Variants in DISC1 observed in about 807,000 individuals in gnomAD.
DISC1 encodes DISC1 scaffold protein.
A neutral mutation model predicts 84.5 loss-of-function variants in DISC1; 57 were observed. The ratio of observed to expected loss-of-function variants is 0.67; its 90% CI spans 0.55 to 0.84. The LOEUF is 0.84. Ranked by LOEUF, DISC1 falls within the 40% of genes least tolerant of loss-of-function variation. The pLI is 0.00. For synonymous variants in DISC1, 411 were observed against 415.2 expected, an observed-to-expected ratio of 0.99 and a Z score of 0.12; for missense variants, 1,000 against 1,057.8, an observed-to-expected ratio of 0.95 and a Z score of 0.76.
chr1:231,849,023 G>C (rs1332397955), intron 9 of DISC1, among the ~76,000 whole-genome samples: 2 of 152,170 alleles, frequency 1.3e-5, no homozygotes, highest in African/African-American at 4.8e-5. Flanking sequence ...CCAATTATCA[G>C]GAGATATTAT....
At chr1:231,771,102 G>T (rs760711671) in intron 6 of DISC1, 32 bp downstream of exon 6, 5 of 1,541,064 alleles carry the variant, frequency 3.2e-6, no homozygotes, top group Non-Finnish European at 4.4e-6. Context: ...ATTTTGGGTC[G>T]CTCGCCTCTT....
At position 231,781,734 on chromosome 1, in the gene DISC1, G is replaced by A. The variant is rs113534088; in HGVS notation, c.1634+10664G>A. On this transcript the variant is annotated intron_variant, in intron 6 of 12. Coordinates refer to ENST00000439617, the MANE Select transcript of DISC1 (RefSeq NM_018662.3). ...ATTCTTTCCTTTTTGTAAGTTGTAT[G>A]TTACTATTCCCTGCTTTAACTTTTC... Among the ~76,000 whole-genome samples, 421 of 146,424 alleles carry A rather than the reference G, an allele frequency of 2.9e-3. 1 individual carries two copies. Among genetic ancestry groups the A allele is most frequent in the African/African-American group, 0.01 (399 of 38,648 alleles).
chr1:231,702,563 G>GCCTAAAATA, intron 3 of DISC1: 1 of 985,322 alleles, frequency 1.0e-6, no homozygotes, highest in Non-Finnish European at 1.2e-6. Flanking sequence ...CACATACATG[G>GCCTAAAATA]CCTAAAATAC....
intron 9 of DISC1, among the ~76,000 whole-genome samples, chr1:231,871,251 C>T (rs9431704): frequency 0.028 from 4,204 of 152,210 alleles, 202 homozygotes; most frequent in African/African-American, 0.096. Context: ...GCCTATTAGT[C>T]GCCATTCTCT....
At chr1:231,936,229 C>A (rs1055560634) in intron 9 of DISC1, among the ~76,000 whole-genome samples, 1 of 152,140 alleles carries the variant, frequency 6.6e-6, no homozygotes, top group African/African-American at 2.4e-5. Context: ...CTTGGACATT[C>A]GGCCCAGCCA....
At chr1:231,750,584 GC>G in intron 4 of DISC1, 1 of 985,696 alleles carries the variant, frequency 1.0e-6, no homozygotes, top group South Asian at 4.7e-5. Context: ...TAATCCAGTG[GC>G]TTGTGGTCCT....
chr1:232,012,785 T>A (rs1177551292), intron 11 of DISC1, among the ~76,000 whole-genome samples: 1 of 152,176 alleles, frequency 6.6e-6, no homozygotes, highest in Non-Finnish European at 1.5e-5. Context: ...GGGTCTACGG[T>A]CCTTGCCAGG....
Position 231,631,198 on chromosome 1 carries a change from CAAAT to C in DISC1, c.67+4265_67+4268del, listed in dbSNP as rs112148441. ...GTAAGATGTCGGCATCCTTATTTAACAAATGATGCTACTGAGAACTATGTATGCA... is the reference window on the plus strand; with the variant it reads ...GTAAGATGTCGGCATCCTTATTTAACGATGCTACTGAGAACTATGTATGCA... On this transcript the variant is annotated intron_variant, in intron 1 of 12. Coordinates refer to ENST00000439617, the MANE Select transcript of DISC1 (RefSeq NM_018662.3). Among the ~76,000 whole-genome samples the C allele has an allele frequency of 1.5e-3, 227 of 152,316 alleles. 3 individuals carry two copies. The highest frequency in any genetic ancestry group is 5.1e-3 in the African/African-American group (214 of 41,556).
intron 3 of DISC1, among the ~76,000 whole-genome samples, chr1:231,705,574 G>A (rs201669361): frequency 1.1e-4 from 16 of 152,092 alleles, no homozygotes; most frequent in Middle Eastern, 3.4e-3. Context: ...GGTTTGAAAT[G>A]GATCACAAAA....
At chr1:231,767,367 A>G in intron 5 of DISC1, 98 bp downstream of exon 5, 1 of 1,511,678 alleles carries the variant, frequency 6.6e-7, no homozygotes, top group Non-Finnish European at 8.9e-7. Flanking sequence ...CAGTGGTGCA[A>G]TCATAGCTCA....
intron 10 of DISC1, among the ~76,000 whole-genome samples, chr1:231,984,258 A>G (rs1043958826): frequency 6.6e-6 from 1 of 152,248 alleles, no homozygotes; most frequent in African/African-American, 2.4e-5. Context: ...GTACAAGTTT[A>G]CCAGGAAGTA....
At chr1:231,853,777 G>A (rs756355135) in intron 9 of DISC1, among the ~76,000 whole-genome samples, 37 of 152,196 alleles carry the variant, frequency 2.4e-4, no homozygotes, top group Non-Finnish European at 5.0e-4. Context: ...AGGCTCCAGG[G>A]TTGACCCAGG....
intron 6 of DISC1, among the ~76,000 whole-genome samples, chr1:231,773,359 C>A (rs140622971): frequency 6.6e-6 from 1 of 152,070 alleles, no homozygotes; most frequent in South Asian, 2.1e-4. Context: ...TAATCTAGTG[C>A]TTTGATAGGT....
intron 9 of DISC1, among the ~76,000 whole-genome samples, chr1:231,856,972 A>G (rs961842774): frequency 2.0e-5 from 3 of 152,232 alleles, no homozygotes; most frequent in Non-Finnish European, 4.4e-5. Context: ...TCTTCCACCT[A>G]GAAACATCCA....
chr1:231,806,329 C>T (rs2079706682), intron 8 of DISC1, among the ~76,000 whole-genome samples: 1 of 152,218 alleles, frequency 6.6e-6, no homozygotes. Flanking sequence ...ACCTCTTAAT[C>T]CAAGGCAGCT....
chr1:231,761,251 C>A (rs904201172), intron 4 of DISC1, among the ~76,000 whole-genome samples: 1 of 152,112 alleles, frequency 6.6e-6, no homozygotes, highest in Non-Finnish European at 1.5e-5. Flanking sequence ...ATTTCTTGCC[C>A]CTGAGGGATT....
chr1:232,010,954 A>C (rs1185363099), intron 11 of DISC1, among the ~76,000 whole-genome samples: 1 of 152,194 alleles, frequency 6.6e-6, no homozygotes, highest in Non-Finnish European at 1.5e-5. Context: ...CTGCTTCAGG[A>C]AAGAATGGCT....
chr1:231,641,161 T>C (rs1179476969), intron 1 of DISC1, among the ~76,000 whole-genome samples: 1 of 152,218 alleles, frequency 6.6e-6, no homozygotes, highest in South Asian at 2.1e-4. Flanking sequence ...TAGGATGCTA[T>C]CTTGGGCTCT....
chr1:231,690,403 G>A (rs1021755431), intron 1 of DISC1, among the ~76,000 whole-genome samples: 1 of 152,338 alleles, frequency 6.6e-6, no homozygotes, highest in East Asian at 1.9e-4. Flanking sequence ...ACAGAGCACA[G>A]AGGGCACGGC....
Sources: allele counts gnomAD v4.1 joint callset (sites outside exome capture counted in the v4.1 genomes callset), GRCh38; gene constraint gnomAD v4.1.1; transcripts MANE v1.5; gene names NCBI Gene and HGNC (gene_info 2026-07-23, HGNC 2026-07-21).